JAKMIP3: variants seen among roughly 807,000 people sequenced by gnomAD.
The protein encoded by JAKMIP3 is janus kinase and microtubule-interacting protein 3.
A neutral mutation model predicts 118.5 loss-of-function variants in JAKMIP3; 58 were observed. That is an observed-to-expected ratio of 0.49 (90% confidence interval 0.40 to 0.61). JAKMIP3 has a LOEUF of 0.61. Ranked by LOEUF, JAKMIP3 falls within the 20% of genes least tolerant of loss-of-function variation. The pLI, the probability that JAKMIP3 is intolerant of heterozygous loss-of-function variation, is 0.00. For synonymous variants in JAKMIP3, 486 were observed against 451.2 expected, an observed-to-expected ratio of 1.08 and a Z score of -0.98; for missense variants, 950 against 1,109.0, an observed-to-expected ratio of 0.86 and a Z score of 2.04.
chr10:132,040,125 G>A (rs907139114), intron 1 of JAKMIP3, among the ~76,000 whole-genome samples: 6 of 152,148 alleles, frequency 3.9e-5, no homozygotes, highest in Non-Finnish European at 5.9e-5. Flanking sequence ...TTGGGGGGGT[G>A]GGCCCTTTGG....
At chr10:132,176,097 G>A (rs2060115619) in intron 23 of JAKMIP3, among the ~76,000 whole-genome samples, 1 of 152,206 alleles carries the variant, frequency 6.6e-6, no homozygotes, top group African/African-American at 2.4e-5. Context: ...GAGTCTTCAA[G>A]GTGCCTCACC....
At chr10:132,164,849 C>G (rs1232876597) in intron 21 of JAKMIP3, 114 bp downstream of exon 21, 2 of 733,464 alleles carry the variant, frequency 2.7e-6, no homozygotes, top group East Asian at 5.2e-5. Flanking sequence ...ACTTCGCTCC[C>G]AACAGCAGCG....
At position 132,127,392 on chromosome 10, in the gene JAKMIP3, T is replaced by TTGTGTGTGTG. The variant is rs145559558; in HGVS notation, c.634-5903_634-5894dup. 7.1e-3 allele frequency among the ~76,000 whole-genome samples: 1,037 copies of TTGTGTGTGTG among 146,958 alleles called. 10 individuals carry two copies. Among genetic ancestry groups the TTGTGTGTGTG allele is most frequent in the African/African-American group, 0.019 (762 of 39,762 alleles). ...TGTGCGCCACCATGCCTGGCTAATT[T>TTGTGTGTGTG]TGTGTGTGTGTGTGTGTGTGTGTGT... On this transcript the variant is annotated intron_variant, in intron 3 of 23. Transcript: ENST00000684848.
intron 14 of JAKMIP3, among the ~76,000 whole-genome samples, chr10:132,148,281 C>T (rs925357306): frequency 6.8e-4 from 103 of 152,154 alleles, no homozygotes; most frequent in African/African-American, 2.3e-3. Flanking sequence ...AGGCAGGGAC[C>T]ACCTCTTCAT....
intron 3 of JAKMIP3, among the ~76,000 whole-genome samples, chr10:132,123,011 CCTCGGAAGG>C (rs371313117): frequency 6.6e-6 from 1 of 152,194 alleles, no homozygotes; most frequent in African/African-American, 2.4e-5. Flanking sequence ...GAACCTGGAG[CCTCGGAAGG>C]CTCCGGAGCC....
chr10:132,138,192 C>T lies in JAKMIP3; in HGVS notation c.1344+14C>T, dbSNP rs765163043. 9 of 1,604,932 alleles carry T rather than the reference C, an allele frequency of 5.6e-6. No homozygotes were observed. The highest frequency in any genetic ancestry group is 1.7e-5 in the Admixed American group (1 of 59,084). ...AAACTTCCCAAGGTAAGGAACAGCACACCGGCACGTGCGGAGAGTACGCCG... is the reference window on the plus strand; with the variant it reads ...AAACTTCCCAAGGTAAGGAACAGCATACCGGCACGTGCGGAGAGTACGCCG... On this transcript the variant is annotated intron_variant, in intron 9 of 23. Transcript: ENST00000684848.
intron 1 of JAKMIP3, among the ~76,000 whole-genome samples, chr10:132,092,848 T>C (rs1296287616): frequency 6.6e-6 from 1 of 152,216 alleles, no homozygotes; most frequent in Non-Finnish European, 1.5e-5. Context: ...GGCGCTCTGA[T>C]TTTTAGAATT....
chr10:132,071,766 TTTC>T (rs1038314938), intron 1 of JAKMIP3, among the ~76,000 whole-genome samples: 7 of 152,156 alleles, frequency 4.6e-5, no homozygotes, highest in Admixed American at 3.9e-4. Context: ...TTAGAGTGGG[TTTC>T]TTCTTTTTTC....
rs1352205351 is a variant in JAKMIP3, at chr10:132,184,326, G to C, written c.*3073G>C. 6.6e-6 allele frequency: 1 copy of C among 152,190 alleles called. No homozygotes were observed. The highest frequency in any genetic ancestry group is 1.5e-5 in the Non-Finnish European group (1 of 68,038). The allele number at this position is 152,190 out of a possible 1,614,324, so 9.4% of individuals were successfully genotyped here. A position where few individuals can be genotyped will look rare whatever the true frequency, so the allele number is the denominator to read the frequency against. Reference sequence around the variant, plus strand: ...ACAGGGCTTGTGAACACCGATACTAGAAGTCAAAAAGAAGAGAGTGCCCAA... The same window carrying C: ...ACAGGGCTTGTGAACACCGATACTACAAGTCAAAAAGAAGAGAGTGCCCAA... On this transcript the variant is annotated 3_prime_UTR_variant, in exon 24 of 24. Transcript: ENST00000684848.
chr10:132,079,757 A>C (rs1024562302), intron 1 of JAKMIP3, among the ~76,000 whole-genome samples: 1 of 152,220 alleles, frequency 6.6e-6, no homozygotes, highest in Non-Finnish European at 1.5e-5. Flanking sequence ...CCCCTCGTCC[A>C]GGCCCTGGCA....
intron 19 of JAKMIP3, among the ~76,000 whole-genome samples, chr10:132,162,814 G>C (rs181813451): frequency 6.6e-6 from 1 of 152,210 alleles, no homozygotes; most frequent in Non-Finnish European, 1.5e-5. Context: ...CACCAGGATC[G>C]GGTTCCATGG....
rs75429093 is a variant in JAKMIP3, at chr10:132,149,373, G to A, written c.1849-39G>A. On this transcript the variant is annotated intron_variant, in intron 14 of 23. Transcript: ENST00000684848. ...CACAGTCCTCTTAGAGGGAAGGGAT[G>A]GGAGGGGAGCGGCTCACCCTTCTGT... is the stretch of plus-strand genomic sequence containing the variant. 3.2e-3 allele frequency: 4,381 copies of A among 1,351,056 alleles called. 99 individuals are homozygous for A. In the African/African-American group the frequency reaches 0.054, roughly 17 times the overall value. The allele number at this position is 1,351,056 out of a possible 1,614,324, so 83.7% of individuals were successfully genotyped here. A position where few individuals can be genotyped will look rare whatever the true frequency, so the allele number is the denominator to read the frequency against.
At chr10:132,100,224 C>G (rs1037840535) in intron 1 of JAKMIP3, among the ~76,000 whole-genome samples, 1 of 152,302 alleles carries the variant, frequency 6.6e-6, no homozygotes, top group South Asian at 2.1e-4. Flanking sequence ...GCTCCCACCC[C>G]GTTGGAGAAC....
chr10:132,066,244 A>C lies in JAKMIP3; in HGVS notation c.-138+183A>C, dbSNP rs114838066. ...GGACGATCACAGAGGAAGATGCTTCATTTATCCGTTTTCACGTTCATGCTC... is the reference window on the plus strand; with the variant it reads ...GGACGATCACAGAGGAAGATGCTTCCTTTATCCGTTTTCACGTTCATGCTC... On this transcript the variant is annotated intron_variant, in intron 1 of 23. Transcript: ENST00000684848. Among the ~76,000 whole-genome samples the C allele has an allele frequency of 2.2e-3, 328 of 152,322 alleles. 2 individuals are homozygous for C. Among genetic ancestry groups the C allele is most frequent in the African/African-American group, 7.6e-3 (315 of 41,564 alleles).
rs201838731 is a variant in JAKMIP3 at position 132,080,503 on chromosome 10, A to ATTTTTTTTTTTT, written c.-138+14467_-138+14478dup. ...TATTTTCTTGCTGTCAAGTTATAGGATTTTTTTTTTTTTTTTTTTTTTTTT... is the reference window on the plus strand; with the variant it reads ...TATTTTCTTGCTGTCAAGTTATAGGATTTTTTTTTTTTTTTTTTTTTTTTTTTTTTTTTTTTT... On this transcript the variant is annotated intron_variant, in intron 1 of 23. Coordinates refer to ENST00000684848, the MANE Select transcript of JAKMIP3 (RefSeq NM_001323087.2). Among the ~76,000 whole-genome samples the ATTTTTTTTTTTT allele has an allele frequency of 9.7e-5, 6 of 61,580 alleles. 2 individuals carry two copies. Among genetic ancestry groups the ATTTTTTTTTTTT allele is most frequent in the East Asian group, 7.5e-4 (2 of 2,658 alleles). 40.4% of individuals were successfully genotyped at this position (61,580 alleles called of 152,430 possible). A position where few individuals can be genotyped will look rare whatever the true frequency, so the allele number is the denominator to read the frequency against.
chr10:132,086,070 T>C (rs2042358876), intron 1 of JAKMIP3, among the ~76,000 whole-genome samples: 1 of 152,176 alleles, frequency 6.6e-6, no homozygotes, highest in African/African-American at 2.4e-5. Flanking sequence ...ATCACTGTTG[T>C]TCAGTTCGAA....
chr10:132,135,240 A>T, intron 5 of JAKMIP3, 80 bp downstream of exon 5: 1 of 1,426,770 alleles, frequency 7.0e-7, no homozygotes, highest in Non-Finnish European at 9.5e-7. Flanking sequence ...CACTTTCAAA[A>T]TTCCTTGCGT....
At chr10:132,131,792 C>T (rs553588510) in intron 3 of JAKMIP3, among the ~76,000 whole-genome samples, 20 of 152,108 alleles carry the variant, frequency 1.3e-4, no homozygotes, top group South Asian at 2.1e-4. Flanking sequence ...GAGGGCTCTT[C>T]CCCCGGGTGT....
chr10:132,175,614 C>T (rs2814167), intron 23 of JAKMIP3, among the ~76,000 whole-genome samples: 11,903 of 152,252 alleles, frequency 0.078, 532 homozygotes, highest in Middle Eastern at 0.13. Flanking sequence ...TAACTGTCAG[C>T]AGGTTCAGAT....
Sources: allele counts gnomAD v4.1 joint callset (sites outside exome capture counted in the v4.1 genomes callset), GRCh38; gene constraint gnomAD v4.1.1; transcripts MANE v1.5; gene names NCBI Gene and HGNC (gene_info 2026-07-23, HGNC 2026-07-21).